The following NECTIN1 variants were observed in gnomAD, a reference collection of about 807,000 sequenced individuals.
NECTIN1 encodes nectin-1.
In NECTIN1, 23 loss-of-function variants were observed where a neutral mutation model predicts 48.0. The ratio of observed to expected loss-of-function variants is 0.48; its 90% confidence interval spans 0.34 to 0.68. NECTIN1 has a LOEUF of 0.68. NECTIN1 is among the 30% of genes least tolerant of loss of function. The pLI is 0.01. For synonymous variants in NECTIN1, 270 were observed against 288.9 expected (o/e 0.93, Z 0.66); for missense variants, 591 against 709.9 (o/e 0.83, Z 1.90).
At chr11:119,687,509 C>T (rs1254787804) in intron 1 of NECTIN1, among the ~76,000 whole-genome samples, 1 of 152,178 alleles carries the variant, frequency 6.6e-6, no homozygotes, top group Non-Finnish European at 1.5e-5. Flanking sequence ...CCCTCTCCAC[C>T]CCAGCTGCAG....
chr11:119,707,114 T>A (rs531126265), intron 1 of NECTIN1, among the ~76,000 whole-genome samples: 3 of 152,194 alleles, frequency 2.0e-5, no homozygotes, highest in South Asian at 4.2e-4. Context: ...GGAAAGGCCG[T>A]TTCATCCTTA....
In NECTIN1 at chr11:119,664,816, C is replaced by T. The variant is rs1306211589; in HGVS notation, c.1485G>A (p.Leu495=). ...TLGYQYDPEQ[L]DLAENMVSQN... is the part of the protein sequence containing the mutation. Reference sequence around the variant, plus strand: ...GAGAAACCATGTTCTCAGCCAAGTCCAGCTGCTCAGGGTCGTACTGGTAGC... The same window carrying T: ...GAGAAACCATGTTCTCAGCCAAGTCTAGCTGCTCAGGGTCGTACTGGTAGC... Residue 495 remains leucine, a synonymous_variant, in exon 6 of 6, where the codon CTG becomes CTA. Transcript: ENST00000264025. The T allele has an allele frequency of 4.3e-6, 7 of 1,613,796 alleles. No homozygotes were observed. The highest frequency in any genetic ancestry group is 1.1e-5 in the South Asian group (1 of 91,030).
At position 119,648,289 on chromosome 11, in the gene NECTIN1, A is replaced by G. The variant is rs112681299; in HGVS notation, c.1004-8277T>C. On this transcript the variant is annotated intron_variant, in intron 5 of 7. Coordinates refer to the NECTIN1 transcript ENST00000341398. ...AGTGGTGGTGGTGATGGTGGTGGTG[A>G]TGGTGGTGGTGGTGGTGATGGTGGT... is the stretch of plus-strand genomic sequence containing the variant. Among the ~76,000 whole-genome samples, 93 of 10,662 alleles carry G rather than the reference A, an allele frequency of 8.7e-3. 1 individual carries two copies. The highest frequency in any genetic ancestry group is 0.021 in the South Asian group (6 of 288). 7.0% of individuals were successfully genotyped at this position (10,662 alleles called of 152,430 possible).
rs1565390948 is a variant in NECTIN1 at position 119,684,156 on chromosome 11, C to A, written c.80-5391G>T. ...TCCTGCCCTTTTAACCCCCAGACCCCTCTTCCTAGCCAAGCAGGCTGGAAC... is the reference window on the plus strand; with the variant it reads ...TCCTGCCCTTTTAACCCCCAGACCCATCTTCCTAGCCAAGCAGGCTGGAAC... On this transcript the variant is annotated intron_variant, in intron 1 of 5. Transcript: ENST00000264025. The surrounding 1 kb of genome is among the most constrained non-coding windows in gnomAD (Gnocchi z 5.2). Among the ~76,000 whole-genome samples, 1 of 152,254 alleles carries A rather than the reference C, an allele frequency of 6.6e-6. No homozygotes were observed. The highest frequency in any genetic ancestry group is 2.4e-5 in the African/African-American group (1 of 41,478).
chr11:119,638,310 A>C, intron 7 of NECTIN1: 2 of 1,593,298 alleles, frequency 1.3e-6, no homozygotes, highest in Non-Finnish European at 1.7e-6. Flanking sequence ...GGTGGCCCTC[A>C]TGGACTCCCA....
In NECTIN1 at chr11:119,677,083, T is replaced by C. The variant is rs1483016344; in HGVS notation, c.851+19A>G. ...GTCAGCTGTCTTCCAAGGTGACTGG[T>C]CAGCCCTGCAGCACTTACGTGGTCC... On this transcript the variant is annotated intron_variant, in intron 4 of 5. Coordinates refer to ENST00000264025, the MANE Select transcript of NECTIN1 (RefSeq NM_002855.5). The surrounding 1 kb of genome is among the most constrained non-coding windows in gnomAD (Gnocchi z 5.4). The C allele has an allele frequency of 1.2e-6, 2 of 1,604,022 alleles. No homozygotes were observed. The highest frequency in any genetic ancestry group is 1.7e-5 in the Admixed American group (1 of 60,004).
chr11:119,700,006 T>A (rs954748860), intron 1 of NECTIN1, among the ~76,000 whole-genome samples: 2 of 152,078 alleles, frequency 1.3e-5, no homozygotes, highest in Non-Finnish European at 2.9e-5. Flanking sequence ...GACCATCAGA[T>A]GAAACAAACT....
chr11:119,718,160 C>A (rs923067719), intron 1 of NECTIN1, among the ~76,000 whole-genome samples: 2 of 152,210 alleles, frequency 1.3e-5, no homozygotes, highest in Non-Finnish European at 2.9e-5. Flanking sequence ...AGGAGCATCA[C>A]CCTGGGTGAC....
intron 1 of NECTIN1, among the ~76,000 whole-genome samples, chr11:119,715,967 G>A (rs573502831): frequency 1.6e-4 from 25 of 152,356 alleles, no homozygotes; most frequent in Non-Finnish European, 3.4e-4. Context: ...GGCACATGTC[G>A]AGTGAATGCC....
rs1837636916 is a variant in NECTIN1, at chr11:119,663,751, T to A, written c.*996A>T. Reference sequence around the variant, plus strand: ...GAAACCTCCACGCTGTAAGAAGCAGTTTGGGGCAGGCCTGAGATCCTAGGG... The same window carrying A: ...GAAACCTCCACGCTGTAAGAAGCAGATTGGGGCAGGCCTGAGATCCTAGGG... On this transcript the variant is annotated 3_prime_UTR_variant, in exon 6 of 6. Transcript: ENST00000264025. 1 of 985,276 alleles carries A rather than the reference T, an allele frequency of 1.0e-6. No individual in the cohort carries two copies. The highest frequency in any genetic ancestry group is 1.2e-6 in the Non-Finnish European group (1 of 829,936). 61.0% of individuals were successfully genotyped at this position (985,276 alleles called of 1,614,324 possible).
chr11:119,721,119 G>A (rs1865822988), intron 1 of NECTIN1, among the ~76,000 whole-genome samples: 2 of 152,252 alleles, frequency 1.3e-5, no homozygotes, highest in African/African-American at 4.8e-5. Context: ...CAGATGTACT[G>A]AGTGTGGGAG....
At position 119,677,990 on chromosome 11, in the gene NECTIN1, C is replaced by A. The variant is rs896941927; in HGVS notation, c.431-133G>T. The A allele has an allele frequency of 1.1e-5, 9 of 853,726 alleles. No individual in the cohort carries two copies. The African/African-American group carries it at 1.5e-4, about 14-fold the overall frequency. 52.9% of individuals were successfully genotyped at this position (853,726 alleles called of 1,614,324 possible). A position where few individuals can be genotyped will look rare whatever the true frequency, so the allele number is the denominator to read the frequency against. On this transcript the variant is annotated intron_variant, in intron 2 of 5. Transcript: ENST00000264025. The surrounding 1 kb of genome is among the most constrained non-coding windows in gnomAD (Gnocchi z 5.4). The stretch of plus-strand genomic sequence containing the variant: ...CCATCCCTGCCTCTCAGCTGTGCTG[C>A]ACCAAAGACTGTCCCAGAACCTCTT...
intron 1 of NECTIN1, among the ~76,000 whole-genome samples, chr11:119,716,122 C>T (rs1408724799): frequency 6.6e-6 from 1 of 152,160 alleles, no homozygotes; most frequent in Admixed American, 6.5e-5. Context: ...CAGGAGGCAC[C>T]TGCCCAGGTG....
intron 5 of NECTIN1, 83 bp downstream of exon 5, chr11:119,675,076 A>C (rs921959315): frequency 1.1e-5 from 16 of 1,472,844 alleles, no homozygotes; most frequent in Admixed American, 8.7e-5. Flanking sequence ...ATCTTCCTGC[A>C]GTGGCATTGC....
intron 5 of NECTIN1, among the ~76,000 whole-genome samples, chr11:119,652,887 C>T (rs1344633131): frequency 6.6e-6 from 1 of 152,184 alleles, no homozygotes; most frequent in Admixed American, 6.5e-5. Flanking sequence ...GCTCACATCC[C>T]CACTGATGGT....
At chr11:119,656,303 C>A (rs9651690), downstream of NECTIN1, 1 of 152,260 alleles carries the variant, frequency 6.6e-6, no homozygotes, top group African/African-American at 2.4e-5. Flanking sequence ...GAGTAACACA[C>A]GATCCCAGTG....
chr11:119,648,648 T>A (rs1864448087), intron 5 of NECTIN1, among the ~76,000 whole-genome samples: 1 of 151,866 alleles, frequency 6.6e-6, no homozygotes. Context: ...AAAACAGCTA[T>A]GTTCCAGGGT....
At position 119,675,250 on chromosome 11, in the gene NECTIN1, T is replaced by A; in HGVS notation, c.912A>T (p.Gly304=). The change falls in exon 5 of 6, where the codon GGA becomes GGT. Residue 304 remains glycine, a synonymous_variant. Transcript: ENST00000264025. ...TCCCTGCCAGGCTGTAGTTGATGGGTCCCTTGAAGAAGAGGGTTCTGTTCT... is the reference window on the plus strand; with the variant it reads ...TCCCTGCCAGGCTGTAGTTGATGGGACCCTTGAAGAAGAGGGTTCTGTTCT... ...EAQNRTLFFK[G]PINYSLAGTY... 3 of 1,614,024 alleles carry A rather than the reference T, an allele frequency of 1.9e-6. No homozygotes were observed. The highest frequency in any genetic ancestry group is 2.5e-6 in the Non-Finnish European group (3 of 1,180,008).
chr11:119,660,934 T>C (rs1200637861), downstream of NECTIN1: 1 of 882,064 alleles, frequency 1.1e-6, no homozygotes, highest in Non-Finnish European at 1.4e-6. Flanking sequence ...CCCCTCCAGC[T>C]CCACGCCTTC....
Sources: allele counts gnomAD v4.1 joint callset (sites outside exome capture counted in the v4.1 genomes callset), GRCh38; gene constraint gnomAD v4.1.1; non-coding constraint Gnocchi (gnomAD v3.1); transcripts MANE v1.5; gene names NCBI Gene and HGNC (gene_info 2026-07-23, HGNC 2026-07-21).